Variants in CLEC4F observed in about 807,000 individuals in gnomAD.
CLEC4F encodes C-type (calcium dependent, carbohydrate-recognition domain) lectin, superfamily member 13.
A neutral mutation model predicts 53.4 loss-of-function variants in CLEC4F; 45 were observed. The ratio of observed to expected loss-of-function variants is 0.84; its 90% CI spans 0.66 to 1.08. The LOEUF is 1.08. Among genes scored for constraint, CLEC4F ranks in the 50% least tolerant of loss-of-function variants. The pLI, the probability that CLEC4F is intolerant of heterozygous loss-of-function variation, is 0.00. For synonymous variants in CLEC4F, 245 were observed against 257.5 expected, an observed-to-expected ratio of 0.95 and a Z score of 0.46; for missense variants, 753 against 698.2, an observed-to-expected ratio of 1.08 and a Z score of -0.88.
rs782017796 is a variant in CLEC4F, at chr2:70,816,318, T to C, written c.1063A>G (p.Thr355Ala). 12 of 1,614,240 alleles carry C rather than the reference T, an allele frequency of 7.4e-6. No homozygotes were observed. The South Asian group carries it at 1.1e-4, about 15-fold the overall frequency. Residue 355 changes from threonine (T) to alanine (A), a missense_variant, in exon 4 of 7, where the codon ACA (threonine) becomes GCA (alanine). Transcript: ENST00000272367. ...TTGAATACCTGAATCTGAGTATCTG[T>C]CTGGTCCAGACGGCCATTTGCTTTT... ...TQKANGRLDQ[T>A]DTQIQVFKSE...
chr2:70,814,225 G>T (rs1404076286), intron 4 of CLEC4F, among the ~76,000 whole-genome samples: 1 of 152,010 alleles, frequency 6.6e-6, no homozygotes, highest in Non-Finnish European at 1.5e-5. Flanking sequence ...TTTTCCCTAT[G>T]AGCAATGGGA....
In CLEC4F at chr2:70,816,516, T is replaced by G. The variant is rs1553396030; in HGVS notation, c.865A>C (p.Lys289Gln). The change falls in exon 4 of 7, where the codon AAG becomes CAG. Residue 289 changes from lysine (K) to glutamine (Q), a missense_variant. Physicochemically the swap from Lys to Gln is moderately conservative, Grantham distance 53. Transcript: ENST00000272367. ...GCATTTGTGTTCTGCAAATTTTCCT[T>G]TAGTCCCTGGATCTCAGCATTGGCT... ...EGANAEIQGL[K>Q]ENLQNTNALN... The G allele has an allele frequency of 6.2e-7, 1 of 1,614,174 alleles. No individual in the cohort carries two copies. The highest frequency in any genetic ancestry group is 1.3e-5 in the African/African-American group (1 of 75,046).
intron 4 of CLEC4F, among the ~76,000 whole-genome samples, chr2:70,814,377 T>C (rs543894844): frequency 6.6e-6 from 1 of 152,230 alleles, no homozygotes; most frequent in African/African-American, 2.4e-5. Flanking sequence ...AAAGTCCCAG[T>C]AAGAGATGGG....
upstream of CLEC4F, among the ~76,000 whole-genome samples, chr2:70,821,089 T>C: frequency 6.6e-6 from 1 of 152,054 alleles, no homozygotes; most frequent in East Asian, 1.9e-4. Flanking sequence ...ACTACATGAT[T>C]TTGTACAAGG....
intron 4 of CLEC4F, among the ~76,000 whole-genome samples, chr2:70,813,655 T>C (rs145669424): frequency 0.026 from 1,956 of 75,108 alleles, 56 homozygotes; most frequent in African/African-American, 0.093. Context: ...CTCTCTCTCT[T>C]TTTCTTCCTT....
chr2:70,819,469 C>G, intron 2 of CLEC4F, 25 bp from the exon 3 acceptor site: 1 of 1,602,956 alleles, frequency 6.2e-7, no homozygotes, highest in Non-Finnish European at 8.5e-7. Flanking sequence ...TTTTCCAGGT[C>G]AGCAAATCCC....
intron 4 of CLEC4F, among the ~76,000 whole-genome samples, chr2:70,814,705 G>A (rs546799184): frequency 1.5e-3 from 230 of 152,068 alleles, no homozygotes; most frequent in Non-Finnish European, 2.6e-3. Flanking sequence ...AACAGAGATC[G>A]TACAGCCCCA....
In CLEC4F at chr2:70,820,583, C is replaced by A; in HGVS notation, c.-60G>T. On this transcript the variant is annotated 5_prime_UTR_variant, in exon 1 of 7. Transcript: ENST00000272367. ...CCACTGGCTCCTGGAAGGGCCGTCC[C>A]GTGGACCAATGGCAGTGGAAGCAAA... The A allele has an allele frequency of 6.6e-7, 1 of 1,516,870 alleles. No homozygotes were observed. Among genetic ancestry groups the A allele is most frequent in the South Asian group, 1.2e-5 (1 of 81,666 alleles). 94.0% of individuals were successfully genotyped at this position (1,516,870 alleles called of 1,614,324 possible). A position where few individuals can be genotyped will look rare whatever the true frequency, so the allele number is the denominator to read the frequency against.
intron 4 of CLEC4F, among the ~76,000 whole-genome samples, chr2:70,813,597 C>CTCTTTCTTTCTTCCTTTCTTTCTTTCTT: frequency 9.4e-6 from 1 of 106,276 alleles, no homozygotes; most frequent in East Asian, 2.7e-4. Context: ...CTCTTTCTTT[C>CTCTTTCTTTCTTCCTTTCTTTCTTTCTT]TCTTTCTTTC....
At chr2:70,815,346 T>C (rs1676836054) in intron 4 of CLEC4F, among the ~76,000 whole-genome samples, 2 of 152,128 alleles carry the variant, frequency 1.3e-5, no homozygotes, top group Admixed American at 1.3e-4. Flanking sequence ...GAAGATTCCT[T>C]TTCCCTTCTT....
At chr2:70,813,107 A>G (rs1449400690) in intron 4 of CLEC4F, among the ~76,000 whole-genome samples, 1 of 152,178 alleles carries the variant, frequency 6.6e-6, no homozygotes, top group Non-Finnish European at 1.5e-5. Context: ...CAATTCTGTC[A>G]GCTCTTTCTT....
intron 4 of CLEC4F, among the ~76,000 whole-genome samples, chr2:70,812,843 C>A (rs1320765424): frequency 6.6e-6 from 1 of 152,212 alleles, no homozygotes; most frequent in Non-Finnish European, 1.5e-5. Flanking sequence ...CTCTCTCTTT[C>A]CAGATACCTG....
chr2:70,812,092 T>G (rs1280364419), intron 5 of CLEC4F, among the ~76,000 whole-genome samples: 1 of 151,480 alleles, frequency 6.6e-6, no homozygotes, highest in Non-Finnish European at 1.5e-5. Context: ...AGACACTGTC[T>G]CCAAAAAAAA....
upstream of CLEC4F, among the ~76,000 whole-genome samples, chr2:70,823,728 G>T (rs567228785): frequency 6.6e-6 from 1 of 152,130 alleles, no homozygotes; most frequent in Admixed American, 6.5e-5. Context: ...AAAAACAAAT[G>T]GGCATTAATA....
chr2:70,819,791 C>CTTG lies in CLEC4F; in HGVS notation c.161_162insCAA (p.Val54_Thr55insLys). The CTTG allele has an allele frequency of 6.3e-7, 1 of 1,598,552 alleles. No individual in the cohort carries two copies. Among genetic ancestry groups the CTTG allele is most frequent in the Non-Finnish European group, 8.5e-7 (1 of 1,173,382 alleles). On this transcript the variant is annotated inframe_insertion, in exon 2 of 7. Transcript: ENST00000272367. ...GGGGCTTACCCACTACAAAGAGAGT[C>CTTG]ACAAGAGAGAAGACCAAGGTCACAG...
At position 70,814,424 on chromosome 2, in the gene CLEC4F, A is replaced by T. The variant is rs536418311; in HGVS notation, c.1387+1570T>A. Among the ~76,000 whole-genome samples, 5 of 152,296 alleles carry T rather than the reference A, an allele frequency of 3.3e-5. No individual in the cohort carries two copies. The East Asian group carries it at 9.6e-4, about 29-fold the overall frequency. On this transcript the variant is annotated intron_variant, in intron 4 of 6. Transcript: ENST00000272367. ...GGTTCGAAAAGTGTGGTCCCAGACCATCAGCATCACCTGACAACGTGGTAG... is the reference window on the plus strand; with the variant it reads ...GGTTCGAAAAGTGTGGTCCCAGACCTTCAGCATCACCTGACAACGTGGTAG...
chr2:70,818,001 A>G (rs1677025010), intron 3 of CLEC4F, among the ~76,000 whole-genome samples: 1 of 152,186 alleles, frequency 6.6e-6, no homozygotes, highest in Admixed American at 6.5e-5. Flanking sequence ...CACCTCATGA[A>G]CTAGGACCTA....
In CLEC4F at chr2:70,816,185, T is replaced by C; in HGVS notation, c.1196A>G (p.Asn399Ser). The C allele has an allele frequency of 6.2e-7, 1 of 1,614,222 alleles. No individual in the cohort carries two copies. The highest frequency in any genetic ancestry group is 8.5e-7 in the Non-Finnish European group (1 of 1,180,026). The change falls in exon 4 of 7, where the codon AAT becomes AGT. Residue 399 changes from asparagine to serine, a missense_variant. Transcript: ENST00000272367. ...EIQTLKQGMK[N>S]ASALTSQTQM... is the part of the protein sequence containing the mutation. ...GGTCTGGGAAGTTAAGGCTGAAGCA[T>C]TCTTCATTCCTTGTTTTAGGGTCTG...
intron 5 of CLEC4F, chr2:70,810,739 T>C (rs758016162): frequency 1.5e-4 from 67 of 435,466 alleles, no homozygotes; most frequent in Non-Finnish European, 1.8e-4. Context: ...TAAAATGATA[T>C]ATACAGTACG....
Sources: allele counts gnomAD v4.1 joint callset (sites outside exome capture counted in the v4.1 genomes callset), GRCh38; gene constraint gnomAD v4.1.1; transcripts MANE v1.5; gene names NCBI Gene and HGNC (gene_info 2026-07-23, HGNC 2026-07-21).